Variants in ELOVL6 observed in about 807,000 individuals in gnomAD.
ELOVL6 encodes very long chain fatty acid elongase 6.
In ELOVL6, 8 loss-of-function variants were observed where a neutral mutation model predicts 31.7. That is an observed-to-expected ratio of 0.25 (90% CI 0.15 to 0.45). The LOEUF is 0.45. ELOVL6 is among the 20% of genes least tolerant of loss of function. The probability of loss-of-function intolerance (pLI) is 1.00; values close to 1 mark genes in which losing one functional copy is unlikely to be tolerated. For missense variants in ELOVL6, 126 were observed against 326.4 expected, an observed-to-expected ratio of 0.39 and a Z score of 4.73; for synonymous variants, 101 against 117.7, an observed-to-expected ratio of 0.86 and a Z score of 0.92.
chr4:110,158,573 CTATATA>C (rs1179125537), intron 1 of ELOVL6, among the ~76,000 whole-genome samples: 1 of 130,540 alleles, frequency 7.7e-6, no homozygotes, highest in African/African-American at 3.0e-5. Flanking sequence ...ATATATACAT[CTATATA>C]TATATGTATA....
At chr4:110,191,818 G>C (rs1052293220) in intron 1 of ELOVL6, among the ~76,000 whole-genome samples, 2 of 152,002 alleles carry the variant, frequency 1.3e-5, no homozygotes, top group African/African-American at 4.8e-5. Flanking sequence ...AAAGAAAATT[G>C]ATTAGATGGT....
intron 1 of ELOVL6, among the ~76,000 whole-genome samples, chr4:110,171,679 CTTTTTTTTTTTTT>C (rs70956406): frequency 0.01 from 687 of 66,246 alleles, 13 homozygotes; most frequent in African/African-American, 0.032. Context: ...ATAATATCCT[CTTTTTTTTTTTTT>C]TTTTTTTTTT....
In ELOVL6 at chr4:110,087,537, T is replaced by C. The variant is rs150285176; in HGVS notation, c.221+17960A>G. On this transcript the variant is annotated intron_variant, in intron 2 of 3. Transcript: ENST00000302274. ...GGGTAATTATTCTCACTTTTGGACT[T>C]GATCCAATACAGGAAACAATAAAAG... 2.5e-3 allele frequency among the ~76,000 whole-genome samples: 385 copies of C among 152,318 alleles called. 1 individual carries two copies. The highest frequency in any genetic ancestry group is 4.4e-3 in the Non-Finnish European group (298 of 68,026).
chr4:110,135,718 G>C (rs1232284366), intron 1 of ELOVL6, among the ~76,000 whole-genome samples: 1 of 152,154 alleles, frequency 6.6e-6, no homozygotes, highest in Non-Finnish European at 1.5e-5. Context: ...GGCTGCCTAG[G>C]GGAATAATGA....
chr4:110,130,519 A>G (rs1224889397), intron 1 of ELOVL6, among the ~76,000 whole-genome samples: 2 of 152,344 alleles, frequency 1.3e-5, no homozygotes, highest in East Asian at 3.9e-4. Context: ...ACCAAGTACT[A>G]AAAATGACTG....
intron 2 of ELOVL6, among the ~76,000 whole-genome samples, chr4:110,071,927 A>G (rs1487424231): frequency 1.3e-5 from 2 of 152,226 alleles, no homozygotes; most frequent in Non-Finnish European, 2.9e-5. Flanking sequence ...ATATCTGGTG[A>G]ACTCTTTGGC....
At chr4:110,108,991 G>T (rs570872980) in intron 1 of ELOVL6, among the ~76,000 whole-genome samples, 3 of 152,300 alleles carry the variant, frequency 2.0e-5, no homozygotes, top group Non-Finnish European at 4.4e-5. Flanking sequence ...TTAGAAGAAG[G>T]TAAGATTTTC....
chr4:110,120,650 T>TGA (rs1343280125), intron 1 of ELOVL6, among the ~76,000 whole-genome samples: 1 of 152,018 alleles, frequency 6.6e-6, no homozygotes, highest in Admixed American at 6.5e-5. Context: ...AAACTGCACT[T>TGA]ACTATATTCT....
intron 1 of ELOVL6, among the ~76,000 whole-genome samples, chr4:110,134,306 C>G (rs1757750294): frequency 6.6e-6 from 1 of 152,118 alleles, no homozygotes; most frequent in Non-Finnish European, 1.5e-5. Flanking sequence ...AGGATATGGT[C>G]CTTCCTTCGA....
intron 1 of ELOVL6, among the ~76,000 whole-genome samples, chr4:110,116,258 T>C (rs1757166549): frequency 6.6e-6 from 1 of 152,230 alleles, no homozygotes; most frequent in African/African-American, 2.4e-5. Context: ...CTGTTTACCA[T>C]GTGGATTAAA....
intron 1 of ELOVL6, 173 bp downstream of exon 1, chr4:110,198,074 A>AGCCC: frequency 2.3e-6 from 1 of 431,138 alleles, no homozygotes; most frequent in Non-Finnish European, 4.2e-6. Flanking sequence ...CGCTTCATGT[A>AGCCC]CCCCCCCCCC....
At position 110,116,913 on chromosome 4, in the gene ELOVL6, TTC is replaced by T. The variant is rs535748351; in HGVS notation, c.90-11287_90-11286del. 2.0e-5 allele frequency among the ~76,000 whole-genome samples: 3 copies of T among 152,146 alleles called. No individual in the cohort carries two copies. In the South Asian group the frequency reaches 6.2e-4, roughly 32 times the overall value. ...GCAATGCTTCCTTCACTTCCTTCCT[TTC>T]TGTTTTCTCTTGCTTCTTCTCCAAC... On this transcript the variant is annotated intron_variant, in intron 1 of 3. Coordinates refer to ENST00000302274, the MANE Select transcript of ELOVL6 (RefSeq NM_024090.3).
intron 2 of ELOVL6, among the ~76,000 whole-genome samples, chr4:110,084,045 C>CTATATATGATATATAACATATAT (rs1560813712): frequency 8.1e-5 from 2 of 24,804 alleles, no homozygotes; most frequent in African/African-American, 1.1e-4. Flanking sequence ...GTATATAACA[C>CTATATATGATATATAACATATAT]ATGCTATATA....
intron 1 of ELOVL6, among the ~76,000 whole-genome samples, chr4:110,121,532 A>C (rs1165473633): frequency 6.6e-6 from 1 of 152,186 alleles, no homozygotes; most frequent in Non-Finnish European, 1.5e-5. Context: ...CCCCGTCTCT[A>C]CTAAAAATAC....
chr4:110,177,469 T>A (rs1759143285), intron 1 of ELOVL6, among the ~76,000 whole-genome samples: 1 of 151,428 alleles, frequency 6.6e-6, no homozygotes, highest in Non-Finnish European at 1.5e-5. Context: ...ATAATAATAA[T>A]AATAAAATAA....
chr4:110,061,389 A>G (rs1210174490), intron 2 of ELOVL6, among the ~76,000 whole-genome samples: 2 of 151,956 alleles, frequency 1.3e-5, no homozygotes, highest in Non-Finnish European at 1.5e-5. Context: ...TATCTTAAGG[A>G]AATGTCTCCT....
At chr4:110,060,210 C>T (rs1285520732) in intron 2 of ELOVL6, among the ~76,000 whole-genome samples, 2 of 152,216 alleles carry the variant, frequency 1.3e-5, no homozygotes, top group Non-Finnish European at 2.9e-5. Flanking sequence ...TTTTCCTCTA[C>T]CTCTGGACTC....
intron 1 of ELOVL6, among the ~76,000 whole-genome samples, chr4:110,115,379 A>C (rs1757142713): frequency 6.6e-6 from 1 of 152,166 alleles, no homozygotes; most frequent in African/African-American, 2.4e-5. Context: ...TGACTTAAAC[A>C]TTGTTTTTAC....
chr4:110,084,401 GAT>G (rs1306585444), intron 2 of ELOVL6, among the ~76,000 whole-genome samples: 2 of 17,508 alleles, frequency 1.1e-4, no homozygotes, highest in Non-Finnish European at 1.6e-4. Flanking sequence ...TATGATATAT[GAT>G]ATATGACATA....
Sources: allele counts gnomAD v4.1 joint callset (sites outside exome capture counted in the v4.1 genomes callset), GRCh38; gene constraint gnomAD v4.1.1; transcripts MANE v1.5; gene names NCBI Gene and HGNC (gene_info 2026-07-23, HGNC 2026-07-21).